Variants in PDCD1LG2 observed in about 807,000 individuals in gnomAD.
The protein encoded by PDCD1LG2 is B7 dendritic cell molecule.
A neutral mutation model predicts 28.2 loss-of-function variants in PDCD1LG2; 32 were observed. The observed-to-expected ratio is 1.13, with a 90% CI of 0.86 to 1.52. The LOEUF (loss-of-function observed/expected upper bound fraction) is 1.52. PDCD1LG2 is among the 40% of genes most tolerant of loss of function. PDCD1LG2 has a pLI of 0.00. For missense variants in PDCD1LG2, 385 were observed against 323.8 expected (o/e 1.19, Z -1.45); for synonymous variants, 116 against 120.2 (o/e 0.97, Z 0.23).
chr9:5,518,242 C>T (rs891659018), intron 1 of PDCD1LG2, among the ~76,000 whole-genome samples: 5 of 152,232 alleles, frequency 3.3e-5, no homozygotes, highest in African/African-American at 1.2e-4. Flanking sequence ...TTACTCATTG[C>T]ATAAACCATA....
intron 1 of PDCD1LG2, among the ~76,000 whole-genome samples, chr9:5,514,837 G>T (rs1052069229): frequency 6.6e-6 from 1 of 150,476 alleles, no homozygotes; most frequent in Non-Finnish European, 1.5e-5. Flanking sequence ...ATAAATACAA[G>T]GTAGACAAGA....
At chr9:5,523,212 A>C (rs1007518736) in intron 2 of PDCD1LG2, among the ~76,000 whole-genome samples, 11 of 152,222 alleles carry the variant, frequency 7.2e-5, no homozygotes, top group Non-Finnish European at 1.3e-4. Flanking sequence ...GAGCAGAAAG[A>C]AAAGCAGTTT....
chr9:5,527,378 T>A (rs931512011), intron 2 of PDCD1LG2, among the ~76,000 whole-genome samples: 30 of 152,224 alleles, frequency 2.0e-4, no homozygotes, highest in Non-Finnish European at 7.3e-5. Flanking sequence ...TAATGACTTT[T>A]CCAGAATGTC....
At chr9:5,535,471 T>C (rs1479739694) in intron 3 of PDCD1LG2, among the ~76,000 whole-genome samples, 2 of 152,154 alleles carry the variant, frequency 1.3e-5, no homozygotes, top group Non-Finnish European at 2.9e-5. Context: ...AAAATATCAA[T>C]TTAGTGAGTA....
intron 2 of PDCD1LG2, among the ~76,000 whole-genome samples, chr9:5,530,450 A>G (rs193206288): frequency 4.6e-5 from 7 of 151,934 alleles, no homozygotes; most frequent in Admixed American, 3.9e-4. Context: ...TAGAAAACAA[A>G]ACATCTTTTC....
chr9:5,555,556 G>A (rs1446370622), intron 4 of PDCD1LG2, among the ~76,000 whole-genome samples: 1 of 152,248 alleles, frequency 6.6e-6, no homozygotes, highest in Non-Finnish European at 1.5e-5. Flanking sequence ...TGAGAAGCGA[G>A]ACAGAAGTAT....
At chr9:5,526,860 A>G (rs1266603884) in intron 2 of PDCD1LG2, among the ~76,000 whole-genome samples, 1 of 152,218 alleles carries the variant, frequency 6.6e-6, no homozygotes, top group Non-Finnish European at 1.5e-5. Flanking sequence ...CTGCATTTTT[A>G]AGGAGATTTA....
intron 3 of PDCD1LG2, among the ~76,000 whole-genome samples, chr9:5,541,349 C>T (rs971837074): frequency 5.3e-5 from 8 of 152,068 alleles, no homozygotes; most frequent in African/African-American, 1.9e-4. Context: ...TACTGGAAGT[C>T]CTGGCCAGAG....
chr9:5,550,306 C>CTTCA (rs1215344278), intron 4 of PDCD1LG2, among the ~76,000 whole-genome samples: 2 of 152,182 alleles, frequency 1.3e-5, no homozygotes, highest in Non-Finnish European at 2.9e-5. Context: ...GAATTTCAAA[C>CTTCA]AATCTTGGGA....
At position 5,557,491 on chromosome 9, in the gene PDCD1LG2, G is replaced by C. The variant is rs1816468093; in HGVS notation, c.632-127G>C. The C allele has an allele frequency of 5.5e-6, 6 of 1,089,014 alleles. No homozygotes were observed. In the South Asian group the frequency reaches 5.8e-5, roughly 11 times the overall value. 67.5% of individuals were successfully genotyped at this position (1,089,014 alleles called of 1,614,324 possible). Reference sequence around the variant, plus strand: ...TGATAGGTGCAGAGCACTTAGAATAGGGCCTGGTGTGGAGTAAATGCTCCA... The same window carrying C: ...TGATAGGTGCAGAGCACTTAGAATACGGCCTGGTGTGGAGTAAATGCTCCA... On this transcript the variant is annotated intron_variant, in intron 4 of 6. Transcript: ENST00000397747.
At chr9:5,549,198 CA>C in intron 3 of PDCD1LG2, 136 bp from the exon 4 acceptor site, 1 of 804,032 alleles carries the variant, frequency 1.2e-6, no homozygotes, top group Non-Finnish European at 2.0e-6. Flanking sequence ...CAGGGATATA[CA>C]ATGTGTTTAC....
At chr9:5,546,856 A>C (rs1435313558) in intron 3 of PDCD1LG2, among the ~76,000 whole-genome samples, 3 of 152,208 alleles carry the variant, frequency 2.0e-5, no homozygotes, top group Non-Finnish European at 4.4e-5. Context: ...CAGGAGGCCC[A>C]GCTGGGTGTG....
At chr9:5,531,628 T>C (rs542209643) in intron 2 of PDCD1LG2, among the ~76,000 whole-genome samples, 1 of 152,340 alleles carries the variant, frequency 6.6e-6, no homozygotes, top group South Asian at 2.1e-4. Context: ...AGGGGAGTTC[T>C]GCTGTAAGCT....
intron 2 of PDCD1LG2, among the ~76,000 whole-genome samples, chr9:5,524,040 G>C (rs942240609): frequency 2.9e-4 from 44 of 152,150 alleles, no homozygotes; most frequent in African/African-American, 1.0e-3. Context: ...ATACTAATGG[G>C]GCAAAAGGAA....
intron 3 of PDCD1LG2, among the ~76,000 whole-genome samples, chr9:5,545,148 T>C (rs1816159477): frequency 6.6e-6 from 1 of 152,242 alleles, no homozygotes; most frequent in African/African-American, 2.4e-5. Context: ...GTTCTAGACA[T>C]CTAACTAATT....
chr9:5,527,290 C>CCAAA (rs575451228), intron 2 of PDCD1LG2, among the ~76,000 whole-genome samples: 157 of 152,182 alleles, frequency 1.0e-3, no homozygotes, highest in Admixed American at 1.5e-3. Flanking sequence ...CCATCCCTTG[C>CCAAA]CAAACAAACA....
chr9:5,531,808 T>C (rs2129776940), intron 2 of PDCD1LG2, among the ~76,000 whole-genome samples: 1 of 152,340 alleles, frequency 6.6e-6, no homozygotes, highest in East Asian at 1.9e-4. Context: ...CCCCATTTTC[T>C]TCCCTGTTTC....
chr9:5,524,790 T>G (rs927223164), intron 2 of PDCD1LG2, among the ~76,000 whole-genome samples: 1 of 152,118 alleles, frequency 6.6e-6, no homozygotes, highest in African/African-American at 2.4e-5. Flanking sequence ...TAGGTATTAT[T>G]TGTATAATAA....
intron 1 of PDCD1LG2, among the ~76,000 whole-genome samples, chr9:5,512,680 T>C (rs1424834171): frequency 6.6e-6 from 1 of 152,234 alleles, no homozygotes; most frequent in Non-Finnish European, 1.5e-5. Flanking sequence ...TCCTTATCTT[T>C]AGCCCTAAAT....
Sources: gnomAD v4.1 joint callset for allele counts (sites outside exome capture counted in the v4.1 genomes callset) on GRCh38, gnomAD v4.1.1 for gene constraint, MANE v1.5 for transcripts, NCBI Gene and HGNC (gene_info 2026-07-23, HGNC 2026-07-21) for gene names.